Variants in COP1 observed in about 807,000 individuals in gnomAD.
COP1 encodes E3 ubiquitin-protein ligase COP1.
Under a neutral mutation model 101.3 loss-of-function variants are expected in COP1, and 24 were observed. The observed-to-expected ratio is 0.24, with a 90% CI of 0.17 to 0.33. COP1 has a LOEUF of 0.33. Ranked by LOEUF, COP1 falls within the 10% of genes least tolerant of loss-of-function variation. The probability of loss-of-function intolerance (pLI) is 1.00; values close to 1 mark genes in which losing one functional copy is unlikely to be tolerated. For synonymous variants in COP1, 347 were observed against 341.9 expected (o/e 1.01, Z -0.17); for missense variants, 663 against 906.2 (o/e 0.73, Z 3.45).
intron 15 of COP1, among the ~76,000 whole-genome samples, chr1:175,997,293 C>T (rs1343568514): frequency 6.6e-6 from 1 of 152,140 alleles, no homozygotes; most frequent in Non-Finnish European, 1.5e-5. Flanking sequence ...AACCAAAAAA[C>T]CCTAGAAGAA....
At chr1:175,992,847 T>C (rs1162720616) in intron 15 of COP1, among the ~76,000 whole-genome samples, 1 of 152,184 alleles carries the variant, frequency 6.6e-6, no homozygotes, top group African/African-American at 2.4e-5. Flanking sequence ...CAGTAACCTC[T>C]GCAGACTTAA....
chr1:176,029,133 A>C (rs968437243), intron 14 of COP1, among the ~76,000 whole-genome samples: 3 of 152,190 alleles, frequency 2.0e-5, no homozygotes, highest in Non-Finnish European at 4.4e-5. Context: ...AACATCTTTA[A>C]AGCACTTGGA....
intron 9 of COP1, among the ~76,000 whole-genome samples, chr1:176,099,042 C>A (rs1470263606): frequency 6.6e-6 from 1 of 152,162 alleles, no homozygotes; most frequent in Non-Finnish European, 1.5e-5. Flanking sequence ...TGCTATCCAT[C>A]ATAATTAAGG....
In COP1 at chr1:176,147,824, A is replaced by C. The variant is rs183683000; in HGVS notation, c.831+1182T>G. On this transcript the variant is annotated intron_variant, in intron 6 of 19. Coordinates refer to ENST00000367669, the MANE Select transcript of COP1 (RefSeq NM_022457.7). ...TAATGTTGGAAAGGAATTCTCCATTATCTCTCCAGAAATGCAGATTGCCAG... is the reference window on the plus strand; with the variant it reads ...TAATGTTGGAAAGGAATTCTCCATTCTCTCTCCAGAAATGCAGATTGCCAG... Among the ~76,000 whole-genome samples the C allele has an allele frequency of 1.2e-4, 18 of 152,330 alleles. No individual in the cohort carries two copies. The East Asian group carries it at 3.1e-3, about 26-fold the overall frequency.
chr1:175,983,394 C>T (rs887181921), intron 18 of COP1, among the ~76,000 whole-genome samples: 4 of 152,198 alleles, frequency 2.6e-5, no homozygotes, highest in Non-Finnish European at 5.9e-5. Context: ...AAGTTTTCTT[C>T]TCTTTTCTGC....
intron 15 of COP1, among the ~76,000 whole-genome samples, chr1:175,989,715 TG>T (rs1235268554): frequency 2.0e-5 from 3 of 152,124 alleles, no homozygotes; most frequent in Non-Finnish European, 2.9e-5. Context: ...AATGATGTCA[TG>T]AAAAAAATGT....
At chr1:176,031,585 C>T (rs1037959240) in intron 14 of COP1, among the ~76,000 whole-genome samples, 3 of 152,144 alleles carry the variant, frequency 2.0e-5, no homozygotes, top group African/African-American at 7.2e-5. Context: ...ATAAAATACA[C>T]TGTATTTATT....
At chr1:176,157,008 G>T (rs534889969) in intron 5 of COP1, among the ~76,000 whole-genome samples, 1 of 152,200 alleles carries the variant, frequency 6.6e-6, no homozygotes, top group African/African-American at 2.4e-5. Context: ...GACCAGCCTG[G>T]TCAACATGGT....
At chr1:175,965,409 C>T (rs1651880157) in intron 18 of COP1, among the ~76,000 whole-genome samples, 1 of 152,166 alleles carries the variant, frequency 6.6e-6, no homozygotes, top group African/African-American at 2.4e-5. Context: ...CCAATTTCAT[C>T]ACTCGTGCTG....
chr1:176,155,569 G>A (rs1261456635), intron 5 of COP1, among the ~76,000 whole-genome samples: 1 of 151,966 alleles, frequency 6.6e-6, no homozygotes. Flanking sequence ...GGCTGAACAA[G>A]TAATGGCTGA....
intron 6 of COP1, among the ~76,000 whole-genome samples, chr1:176,142,661 CAAAG>C (rs1163100215): frequency 6.6e-6 from 1 of 150,460 alleles, no homozygotes; most frequent in East Asian, 1.9e-4. Context: ...ATATTATATT[CAAAG>C]AAAGAAAACA....
chr1:176,131,882 A>G (rs1321226079), intron 8 of COP1, among the ~76,000 whole-genome samples: 1 of 151,864 alleles, frequency 6.6e-6, no homozygotes, highest in Non-Finnish European at 1.5e-5. Context: ...CTCTTGAAGA[A>G]AATACTGTTT....
At chr1:176,072,810 T>C (rs1677241907) in intron 11 of COP1, among the ~76,000 whole-genome samples, 1 of 152,184 alleles carries the variant, frequency 6.6e-6, no homozygotes. Flanking sequence ...AGTTTCAAAC[T>C]ATGGTAAAGT....
At chr1:176,000,720 G>T (rs1159566123) in intron 15 of COP1, among the ~76,000 whole-genome samples, 1 of 151,414 alleles carries the variant, frequency 6.6e-6, no homozygotes, top group Admixed American at 6.6e-5. Context: ...ATTTTTACAT[G>T]CAATGTTGCT....
intron 15 of COP1, among the ~76,000 whole-genome samples, chr1:175,998,503 AG>A (rs1660842135): frequency 6.6e-6 from 1 of 151,898 alleles, no homozygotes; most frequent in South Asian, 2.1e-4. Context: ...AAAAAAAAAT[AG>A]AACCATGGAT....
intron 5 of COP1, among the ~76,000 whole-genome samples, chr1:176,161,553 G>A (rs573841527): frequency 7.2e-5 from 11 of 152,128 alleles, no homozygotes; most frequent in South Asian, 2.1e-4. Flanking sequence ...AGCTATGACT[G>A]TACCACTGCA....
chr1:176,053,045 A>G (rs1199773025), intron 11 of COP1, among the ~76,000 whole-genome samples: 1 of 152,184 alleles, frequency 6.6e-6, no homozygotes, highest in African/African-American at 2.4e-5. Context: ...CAATTGACAC[A>G]TAAGCAAGAG....
intron 9 of COP1, among the ~76,000 whole-genome samples, chr1:176,089,266 C>T (rs904044942): frequency 6.6e-6 from 1 of 150,746 alleles, no homozygotes; most frequent in Admixed American, 6.6e-5. Context: ...GCACCCCAGC[C>T]TGGGTGACAG....
intron 9 of COP1, among the ~76,000 whole-genome samples, chr1:176,106,988 C>T (rs1213780682): frequency 6.6e-6 from 1 of 152,050 alleles, no homozygotes; most frequent in Non-Finnish European, 1.5e-5. Flanking sequence ...TCCGGTGCAA[C>T]CTAGCAGTGG....
Sources: allele counts gnomAD v4.1 joint callset (sites outside exome capture counted in the v4.1 genomes callset), GRCh38; gene constraint gnomAD v4.1.1; transcripts MANE v1.5; gene names NCBI Gene and HGNC (gene_info 2026-07-23, HGNC 2026-07-21).